Variants in PAK3 observed in about 807,000 individuals in gnomAD.
PAK3 encodes the protein serine/threonine-protein kinase PAK 3.
In PAK3, 4 loss-of-function variants were observed where a neutral mutation model predicts 41.0. The observed-to-expected ratio is 0.10, with a 90% CI of 0.05 to 0.22. The LOEUF is 0.22. Ranked by LOEUF, PAK3 falls within the 10% of genes least tolerant of loss-of-function variation. The pLI, the probability that PAK3 is intolerant of heterozygous loss-of-function variation, is 1.00. For synonymous variants in PAK3, 146 were observed against 139.6 expected (o/e 1.05, Z -0.32); for missense variants, 205 against 409.9 (o/e 0.50, Z 4.32).
At position 110,969,491 on chromosome X, in the gene PAK3, G is replaced by A. The variant is rs367904092; in HGVS notation, c.-28+24863G>A. On this transcript the variant is annotated intron_variant, in intron 1 of 14. Coordinates refer to the PAK3 transcript ENST00000425146. ...TTTTTTTGGATTTTTAGTAGAGATA[G>A]GGTTTCACCATGTTGGCCAGGCTGG... Among the ~76,000 whole-genome samples, 340 of 97,671 alleles carry A rather than the reference G, an allele frequency of 3.5e-3. 3 individuals carry two copies. The highest frequency in any genetic ancestry group is 0.013 in the African/African-American group (333 of 26,012). 84.8% of individuals were successfully genotyped at this position (97,671 alleles called of 115,157 possible).
chrX:111,196,084 C>T (rs1216489675), intron 15 of PAK3, 143 bp downstream of exon 15: 5 of 504,916 alleles, frequency 9.9e-6, no homozygotes, highest in Admixed American at 6.0e-5. Context: ...TTTTCTAACA[C>T]TGTGTTCCTG....
chrX:111,124,757 T>C (rs761307634), intron 5 of PAK3, among the ~76,000 whole-genome samples: 1 of 111,123 alleles, frequency 9.0e-6, no homozygotes, highest in Admixed American at 9.6e-5. Context: ...TCAGGGGAAA[T>C]AAATGAGCCA....
Position 111,222,415 on chromosome X carries a change from C to T in PAK3, c.*1968C>T, listed in dbSNP as rs1460929812. The stretch of plus-strand genomic sequence containing the variant: ...AAGTTGGGAGAGGCTTGACCTCCTC[C>T]CCTTGAAAATGTCCACAGTGGGATA... On this transcript the variant is annotated 3_prime_UTR_variant, in exon 18 of 18. Transcript: ENST00000372007. The T allele has an allele frequency of 9.0e-6, 1 of 111,516 alleles. No homozygotes were observed. Among genetic ancestry groups the T allele is most frequent in the Admixed American group, 9.6e-5 (1 of 10,461 alleles). 9.2% of individuals were successfully genotyped at this position (111,516 alleles called of 1,213,427 possible).
At chrX:111,126,261 A>G (rs945146903) in intron 5 of PAK3, among the ~76,000 whole-genome samples, 1 of 111,579 alleles carries the variant, frequency 9.0e-6, no homozygotes, top group Non-Finnish European at 1.9e-5. Flanking sequence ...TATTCTTTTT[A>G]TGTAATGTGC....
At chrX:111,202,481 T>C (rs2149351495) in intron 16 of PAK3, among the ~76,000 whole-genome samples, 1 of 111,700 alleles carries the variant, frequency 9.0e-6, no homozygotes, top group East Asian at 2.8e-4. Context: ...AATAATTAAG[T>C]ACCTTGTTCC....
intron 5 of PAK3, among the ~76,000 whole-genome samples, chrX:111,139,333 C>A (rs1389123918): frequency 9.0e-6 from 1 of 111,320 alleles, no homozygotes; most frequent in Admixed American, 9.5e-5. Context: ...AATGTGGAAA[C>A]AGTTTAATTT....
intron 5 of PAK3, among the ~76,000 whole-genome samples, chrX:111,137,645 T>G (rs2093810123): frequency 8.9e-6 from 1 of 111,815 alleles, no homozygotes; most frequent in African/African-American, 3.2e-5. Context: ...GAGGGACTTC[T>G]CATTCTTTAT....
chrX:111,200,135 C>CAA (rs1359729410), intron 16 of PAK3, among the ~76,000 whole-genome samples: 4 of 97,254 alleles, frequency 4.1e-5, no homozygotes, highest in African/African-American at 1.1e-4. Flanking sequence ...CTTGGTATGC[C>CAA]AAAAAAAAAA....
chrX:111,144,648 T>C (rs746884073), intron 6 of PAK3, among the ~76,000 whole-genome samples: 43 of 111,160 alleles, frequency 3.9e-4, no homozygotes, highest in Non-Finnish European at 7.7e-4. Flanking sequence ...AATCCAGTTG[T>C]CTTACAAGGG....
intron 1 of PAK3, among the ~76,000 whole-genome samples, chrX:111,008,079 G>T (rs1048502789): frequency 4.5e-5 from 5 of 112,271 alleles, no homozygotes; most frequent in Non-Finnish European, 9.4e-5. Flanking sequence ...AAGTGCTCAA[G>T]AAATGGAAGA....
At chrX:111,053,557 A>G (rs192116352) in intron 1 of PAK3, among the ~76,000 whole-genome samples, 122 of 111,613 alleles carry the variant, frequency 1.1e-3, no homozygotes, top group African/African-American at 3.4e-3. Flanking sequence ...AGGCGCAGGC[A>G]CTTTCTACAT....
intron 1 of PAK3, among the ~76,000 whole-genome samples, chrX:110,990,273 A>G (rs1297879750): frequency 1.8e-5 from 2 of 112,259 alleles, no homozygotes; most frequent in Admixed American, 9.5e-5. Flanking sequence ...GTGAGATGAT[A>G]TGTATAAGAG....
intron 1 of PAK3, among the ~76,000 whole-genome samples, chrX:111,040,277 T>G (rs190464839): frequency 1.3e-3 from 148 of 111,490 alleles, no homozygotes; most frequent in African/African-American, 4.5e-3. Context: ...CCCTGATTCA[T>G]TGGGTTGTTG....
At chrX:111,176,379 A>T (rs927265462) in intron 11 of PAK3, among the ~76,000 whole-genome samples, 2 of 110,711 alleles carry the variant, frequency 1.8e-5, no homozygotes, top group Admixed American at 1.9e-4. Flanking sequence ...ACGAATAGCC[A>T]ATGCATGCGG....
At chrX:110,961,112 T>C (rs769919148) in intron 1 of PAK3, among the ~76,000 whole-genome samples, 28 of 111,547 alleles carry the variant, frequency 2.5e-4, no homozygotes, top group Non-Finnish European at 5.3e-4. Flanking sequence ...CCTGGGATGC[T>C]TAGAAACATA....
intron 1 of PAK3, among the ~76,000 whole-genome samples, chrX:111,042,520 T>C (rs2092461467): frequency 8.9e-6 from 1 of 111,822 alleles, no homozygotes; most frequent in South Asian, 3.8e-4. Context: ...GCACAGGCTA[T>C]GTTGCACACC....
At chrX:111,084,292 C>T (rs139517107) in intron 1 of PAK3, among the ~76,000 whole-genome samples, 2,237 of 112,244 alleles carry the variant, frequency 0.02, 12 homozygotes, top group Non-Finnish European at 0.032. Context: ...GTCTATTTGA[C>T]GTGAATTGTA....
At chrX:111,159,037 G>A (rs1163126146) in intron 8 of PAK3, among the ~76,000 whole-genome samples, 1 of 110,924 alleles carries the variant, frequency 9.0e-6, no homozygotes, top group Non-Finnish European at 1.9e-5. Flanking sequence ...ATCATGCATT[G>A]CTTTAAACAT....
chrX:111,155,871 G>T (rs1234066897), intron 8 of PAK3, among the ~76,000 whole-genome samples: 2 of 111,739 alleles, frequency 1.8e-5, no homozygotes, highest in Non-Finnish European at 3.8e-5. Flanking sequence ...TGAGATGCGA[G>T]AAAGGGAATC....
Sources: gnomAD v4.1 joint callset for allele counts (sites outside exome capture counted in the v4.1 genomes callset) on GRCh38, gnomAD v4.1.1 for gene constraint, MANE v1.5 for transcripts, NCBI Gene and HGNC (gene_info 2026-07-23, HGNC 2026-07-21) for gene names.